The following CFAP54 variants were observed in gnomAD, a reference collection of about 807,000 sequenced individuals.
CFAP54 encodes cilia- and flagella-associated protein 54.
CFAP54 carries 290 observed loss-of-function variants against 370.4 expected under a neutral mutation model. The observed-to-expected ratio is 0.78, with a 90% CI of 0.71 to 0.86. CFAP54 has a LOEUF of 0.86. CFAP54 is among the 40% of genes least tolerant of loss of function. The pLI, the probability that CFAP54 is intolerant of heterozygous loss-of-function variation, is 0.00. For synonymous variants in CFAP54, 1,206 were observed against 1,236.5 expected, an observed-to-expected ratio of 0.98 and a Z score of 0.52; for missense variants, 3,399 against 3,528.7, an observed-to-expected ratio of 0.96 and a Z score of 0.93.
chr12:96,679,702 C>T lies in CFAP54; in HGVS notation c.5666C>T (p.Ser1889Leu). ...GAAAAATCCAAATACCATAACAGATCAATCCGACACAGCAGAAAGTTGCTT... is the reference window on the plus strand; with the variant it reads ...GAAAAATCCAAATACCATAACAGATTAATCCGACACAGCAGAAAGTTGCTT... ...TLEKSKYHNRSIRHSRKLLSL... is the reference protein window; with the variant it reads ...TLEKSKYHNRLIRHSRKLLSL... The change falls in exon 40 of 68, where the codon TCA (serine) becomes TTA (leucine). Residue 1889 changes from serine (S) to leucine (L), a missense_variant. Physicochemically the swap from Ser to Leu is moderately radical, Grantham distance 145. Transcript: ENST00000524981. 6.2e-7 allele frequency: 1 copy of T among 1,613,536 alleles called. No homozygotes were observed. Among genetic ancestry groups the T allele is most frequent in the African/African-American group, 1.3e-5 (1 of 75,036 alleles).
chr12:96,520,914 C>T (rs766138597), intron 6 of CFAP54, among the ~76,000 whole-genome samples: 11 of 152,196 alleles, frequency 7.2e-5, no homozygotes, highest in Admixed American at 1.3e-4. Flanking sequence ...ATGCTGGTGG[C>T]ACATAGGCAG....
intron 67 of CFAP54, among the ~76,000 whole-genome samples, chr12:96,868,968 G>A (rs1217171594): frequency 6.6e-6 from 1 of 152,156 alleles, no homozygotes; most frequent in East Asian, 1.9e-4. Flanking sequence ...GTTTTCCTGT[G>A]AATCCTGATA....
chr12:96,709,258 T>G (rs1003911742), intron 48 of CFAP54, among the ~76,000 whole-genome samples: 22 of 152,324 alleles, frequency 1.4e-4, no homozygotes, highest in African/African-American at 5.1e-4. Flanking sequence ...AATGATTGAA[T>G]AAGAAGAAAT....
Position 96,784,490 on chromosome 12 carries a change from T to TA in CFAP54, c.8282-227_8282-226insA, listed in dbSNP as rs202216431. On this transcript the variant is annotated intron_variant, in intron 60 of 67. Coordinates refer to ENST00000524981, the MANE Select transcript of CFAP54 (RefSeq NM_001306084.2). ...TTGATTGATGCAAAGTGTTTACACATTAAAGAGAGTTCATATATATATATA... is the reference window on the plus strand; with the variant it reads ...TTGATTGATGCAAAGTGTTTACACATATAAAGAGAGTTCATATATATATATA... 9.5e-3 allele frequency among the ~76,000 whole-genome samples: 1,448 copies of TA among 152,164 alleles called. 53 individuals carry two copies. In the East Asian group the frequency reaches 0.1, roughly 11 times the overall value.
chr12:96,770,218 G>GAATT, intron 60 of CFAP54, among the ~76,000 whole-genome samples: 1 of 149,778 alleles, frequency 6.7e-6, no homozygotes, highest in East Asian at 2.0e-4. Context: ...GTGAATTTGT[G>GAATT]TGTGTGTGTG....
chr12:96,766,785 C>T (rs141695830), intron 60 of CFAP54, among the ~76,000 whole-genome samples: 1 of 152,144 alleles, frequency 6.6e-6, no homozygotes, highest in Non-Finnish European at 1.5e-5. Flanking sequence ...TTACTTTACC[C>T]TAGTCATTTC....
At chr12:96,724,886 C>G (rs1197739907) in intron 50 of CFAP54, among the ~76,000 whole-genome samples, 2 of 152,180 alleles carry the variant, frequency 1.3e-5, no homozygotes, top group South Asian at 4.1e-4. Context: ...TTTCAGCTTT[C>G]TCCATATAGC....
rs755175225 is a variant in CFAP54 at position 96,814,631 on chromosome 12, G to A, written c.8957+2789G>A. On this transcript the variant is annotated intron_variant, in intron 64 of 67. Coordinates refer to ENST00000524981, the MANE Select transcript of CFAP54 (RefSeq NM_001306084.2). The stretch of plus-strand genomic sequence containing the variant: ...TATACACGTACCATGGCAGTTTGCC[G>A]CACCTATCAACCTGACACCTAGGTT... 8.5e-5 allele frequency among the ~76,000 whole-genome samples: 13 copies of A among 152,252 alleles called. No homozygotes were observed. In the East Asian group the frequency reaches 1.4e-3, roughly 16 times the overall value.
At chr12:96,689,060 C>G in intron 43 of CFAP54, 78 bp downstream of exon 43, 1 of 816,174 alleles carries the variant, frequency 1.2e-6, no homozygotes, top group African/African-American at 1.8e-5. Flanking sequence ...TTATCATATT[C>G]AGAAAACTCA....
intron 48 of CFAP54, 62 bp from the exon 49 acceptor site, chr12:96,718,381 G>T (rs11108651): frequency 0.11 from 90,149 of 826,808 alleles, 6,518 homozygotes; most frequent in South Asian, 0.26. Context: ...AATAAACCTA[G>T]AATTAATATT....
At chr12:96,580,813 A>G (rs1460685985) in intron 21 of CFAP54, 107 bp from the exon 22 acceptor site, 7 of 1,129,180 alleles carry the variant, frequency 6.2e-6, no homozygotes, top group Admixed American at 3.4e-5. Flanking sequence ...AAATCCAACA[A>G]TGAAAGAAAA....
intron 19 of CFAP54, among the ~76,000 whole-genome samples, chr12:96,568,031 C>T (rs61940435): frequency 0.03 from 4,538 of 152,168 alleles, 94 homozygotes; most frequent in Non-Finnish European, 0.044. Flanking sequence ...TTAATATTTC[C>T]CAAACTTATG....
chr12:96,632,219 T>C (rs188387217), intron 32 of CFAP54, among the ~76,000 whole-genome samples: 2 of 152,122 alleles, frequency 1.3e-5, no homozygotes, highest in Admixed American at 1.3e-4. Flanking sequence ...TGGATGCTAA[T>C]GCTTCTCCCA....
At chr12:96,649,850 C>G in intron 34 of CFAP54, 41 bp from the exon 35 acceptor site, 1 of 1,378,198 alleles carries the variant, frequency 7.3e-7, no homozygotes. Context: ...GAACTTAATT[C>G]TATGTTTTTA....
chr12:96,868,133 T>C lies in CFAP54; in HGVS notation c.*15-6985T>C, dbSNP rs151134389. On this transcript the variant is annotated intron_variant, in intron 67 of 67. Coordinates refer to ENST00000524981, the MANE Select transcript of CFAP54 (RefSeq NM_001306084.2). Reference sequence around the variant, plus strand: ...CACCATGGAACCTGTCCGTACCACTTCCTCCCTGGTGTCTCCATGTAACAC... The same window carrying C: ...CACCATGGAACCTGTCCGTACCACTCCCTCCCTGGTGTCTCCATGTAACAC... 5.1e-3 allele frequency among the ~76,000 whole-genome samples: 780 copies of C among 152,228 alleles called. 5 individuals are homozygous for C. Among genetic ancestry groups the C allele is most frequent in the Non-Finnish European group, 6.4e-3 (433 of 68,008 alleles).
chr12:96,664,534 G>A (rs939088579), intron 39 of CFAP54, among the ~76,000 whole-genome samples: 3 of 150,512 alleles, frequency 2.0e-5, no homozygotes, highest in African/African-American at 7.4e-5. Flanking sequence ...GTCTATCATC[G>A]ATGGGCATTT....
At chr12:96,512,349 A>ATATG (rs1955182346) in intron 4 of CFAP54, among the ~76,000 whole-genome samples, 1 of 81,002 alleles carries the variant, frequency 1.2e-5, no homozygotes, top group Non-Finnish European at 2.6e-5. Flanking sequence ...ATATATATAT[A>ATATG]TGTATATATT....
At chr12:96,586,136 G>T (rs191770989) in intron 22 of CFAP54, among the ~76,000 whole-genome samples, 1 of 152,268 alleles carries the variant, frequency 6.6e-6, no homozygotes, top group Admixed American at 6.5e-5. Context: ...TCTAAAACTT[G>T]AGTGCACATA....
intron 26 of CFAP54, among the ~76,000 whole-genome samples, chr12:96,618,946 T>C (rs1406313607): frequency 1.3e-5 from 2 of 152,098 alleles, no homozygotes; most frequent in Non-Finnish European, 2.9e-5. Context: ...CTCACTGCAA[T>C]CTCCACCTCC....
Sources: allele counts gnomAD v4.1 joint callset (sites outside exome capture counted in the v4.1 genomes callset), GRCh38; gene constraint gnomAD v4.1.1; transcripts MANE v1.5; gene names NCBI Gene and HGNC (gene_info 2026-07-23, HGNC 2026-07-21).